The following CEP85L variants were observed in gnomAD, a reference collection of about 807,000 sequenced individuals.
CEP85L encodes the protein centrosomal protein 85L.
Under a neutral mutation model 100.3 loss-of-function variants are expected in CEP85L, and 60 were observed. That is an observed-to-expected ratio of 0.60 (90% CI 0.49 to 0.74). The LOEUF (loss-of-function observed/expected upper bound fraction) is 0.74. CEP85L is among the 30% of genes least tolerant of loss of function. The probability of loss-of-function intolerance (pLI) is 0.00; values close to 1 mark genes in which losing one functional copy is unlikely to be tolerated. For synonymous variants in CEP85L, 319 were observed against 322.7 expected (o/e 0.99, Z 0.12); for missense variants, 973 against 936.2 (o/e 1.04, Z -0.51).
rs55885087 is a variant in CEP85L, at chr6:118,647,030, C to T, written c.73+4167G>A. The stretch of plus-strand genomic sequence containing the variant: ...ACTAAAGTTAAGATTCACCCCTTAC[C>T]CCCCAATACCTATTATGAAAGAACA... On this transcript the variant is annotated intron_variant, in intron 1 of 12. Transcript: ENST00000368491. 6,008 of 985,178 alleles carry T rather than the reference C, an allele frequency of 6.1e-3. 14 individuals are homozygous for T. Among genetic ancestry groups the T allele is most frequent in the Non-Finnish European group, 6.9e-3 (5,733 of 829,710 alleles). 61.0% of individuals were successfully genotyped at this position (985,178 alleles called of 1,614,324 possible).
chr6:118,615,825 C>A (rs1244176278), intron 2 of CEP85L, among the ~76,000 whole-genome samples: 1 of 152,238 alleles, frequency 6.6e-6, no homozygotes, highest in Non-Finnish European at 1.5e-5. Context: ...TGTTCTCATA[C>A]ATCACTGCTA....
chr6:118,506,295 A>T (rs1775652678), intron 5 of CEP85L, among the ~76,000 whole-genome samples: 1 of 152,200 alleles, frequency 6.6e-6, no homozygotes, highest in Admixed American at 6.5e-5. Context: ...ATACACACAC[A>T]GTCAAAATGC....
At position 118,533,956 on chromosome 6, in the gene CEP85L, G is replaced by A. The variant is rs557371104; in HGVS notation, c.1021-10036C>T. ...CTAAAAATTCAAAAATTAGCCAGGC[G>A]TGGTGGCTCATGCCTATAATCCCAG... is the stretch of plus-strand genomic sequence containing the variant. On this transcript the variant is annotated intron_variant, in intron 3 of 12. Coordinates refer to ENST00000368491, the MANE Select transcript of CEP85L (RefSeq NM_001042475.3). Among the ~76,000 whole-genome samples, 16 of 152,186 alleles carry A rather than the reference G, an allele frequency of 1.1e-4. 1 individual carries two copies. In the South Asian group the frequency reaches 1.7e-3, roughly 16 times the overall value.
chr6:118,614,720 A>G (rs1325813913), intron 2 of CEP85L, among the ~76,000 whole-genome samples: 2 of 152,234 alleles, frequency 1.3e-5, no homozygotes, highest in Non-Finnish European at 2.9e-5. Context: ...ACATGCCTGT[A>G]ATCCCAGCTA....
At chr6:118,654,631 C>A (rs935544177), upstream of CEP85L, among the ~76,000 whole-genome samples, 10 of 152,104 alleles carry the variant, frequency 6.6e-5, no homozygotes, top group Admixed American at 2.0e-4. Flanking sequence ...TTTAAAAAAA[C>A]ACTCTTTCTT....
intron 2 of CEP85L, among the ~76,000 whole-genome samples, chr6:118,619,676 C>T (rs1471393756): frequency 6.6e-6 from 1 of 152,186 alleles, no homozygotes; most frequent in African/African-American, 2.4e-5. Context: ...GTCTCTTTCT[C>T]ACTCTCAGAT....
At chr6:118,709,991 G>A (rs1343548835) in intron 1 of CEP85L, 1 of 151,422 alleles carries the variant, frequency 6.6e-6, no homozygotes, top group Non-Finnish European at 1.5e-5. Flanking sequence ...TCATCTTTAA[G>A]AGAAAAAAAA....
chr6:118,482,429 T>C (rs1285067873), intron 7 of CEP85L, among the ~76,000 whole-genome samples: 1 of 152,204 alleles, frequency 6.6e-6, no homozygotes, highest in African/African-American at 2.4e-5. Flanking sequence ...TCTTAAGGTA[T>C]CTCATTAAGT....
chr6:118,641,508 C>T (rs1217417033), intron 1 of CEP85L, among the ~76,000 whole-genome samples: 2 of 152,182 alleles, frequency 1.3e-5, no homozygotes, highest in Non-Finnish European at 2.9e-5. Flanking sequence ...ATTATCAGAG[C>T]ATTATGTTAC....
chr6:118,698,549 AAAG>A (rs1367123440), intron 1 of CEP85L, among the ~76,000 whole-genome samples: 1 of 151,956 alleles, frequency 6.6e-6, no homozygotes, highest in Non-Finnish European at 1.5e-5. Flanking sequence ...AAAAAAAAAA[AAAG>A]GATTGTCCAG....
At chr6:118,567,118 C>G (rs1487972884) in intron 2 of CEP85L, among the ~76,000 whole-genome samples, 2 of 151,098 alleles carry the variant, frequency 1.3e-5, no homozygotes, top group Non-Finnish European at 2.9e-5. Context: ...GGTGCTCCTG[C>G]AATAATGAAA....
At chr6:118,478,976 T>G (rs993294073) in intron 10 of CEP85L, among the ~76,000 whole-genome samples, 1 of 152,176 alleles carries the variant, frequency 6.6e-6, no homozygotes, top group African/African-American at 2.4e-5. Context: ...TAGATTGAGA[T>G]AACTTGTATT....
At chr6:118,515,409 C>T (rs1212499209) in intron 4 of CEP85L, among the ~76,000 whole-genome samples, 10 of 152,192 alleles carry the variant, frequency 6.6e-5, no homozygotes, top group East Asian at 1.9e-4. Context: ...TTCTAGAATA[C>T]TCCCCACAAA....
upstream of CEP85L, chr6:118,651,771 C>T (rs1583228543): frequency 1.0e-5 from 10 of 985,642 alleles, no homozygotes; most frequent in South Asian, 9.4e-5. Context: ...ACTGGGCTGT[C>T]CCGCCCTCCC....
At chr6:118,526,555 A>G (rs906077208) in intron 3 of CEP85L, among the ~76,000 whole-genome samples, 14 of 152,212 alleles carry the variant, frequency 9.2e-5, no homozygotes, top group Admixed American at 8.5e-4. Flanking sequence ...CTTAAGGACC[A>G]CATTATTCCA....
chr6:118,473,762 G>T, intron 10 of CEP85L, among the ~76,000 whole-genome samples: 1 of 152,076 alleles, frequency 6.6e-6, no homozygotes, highest in Non-Finnish European at 1.5e-5. Context: ...GAAGAGGTCA[G>T]ATTCTAGACA....
At chr6:118,709,738 C>T (rs10872168) in intron 1 of CEP85L, among the ~76,000 whole-genome samples, 45,401 of 151,850 alleles carry the variant, frequency 0.3, 7,109 homozygotes, top group Non-Finnish European at 0.33. Flanking sequence ...TAAAACACTC[C>T]AAATGCTGCT....
chr6:118,528,704 A>G (rs902125466), intron 3 of CEP85L, among the ~76,000 whole-genome samples: 16 of 152,172 alleles, frequency 1.1e-4, no homozygotes, highest in Non-Finnish European at 2.2e-4. Context: ...ACCTCTAAAC[A>G]TGACAGTTAC....
At chr6:118,701,883 A>G (rs927370150) in intron 1 of CEP85L, among the ~76,000 whole-genome samples, 1 of 152,230 alleles carries the variant, frequency 6.6e-6, no homozygotes. Flanking sequence ...ATACATAAGG[A>G]TAGGTCAAAT....
Sources: gnomAD v4.1 joint callset for allele counts (sites outside exome capture counted in the v4.1 genomes callset) on GRCh38, gnomAD v4.1.1 for gene constraint, MANE v1.5 for transcripts, NCBI Gene and HGNC (gene_info 2026-07-23, HGNC 2026-07-21) for gene names.